The following BCKDHB variants were observed in gnomAD, a reference collection of about 807,000 sequenced individuals.
BCKDHB encodes the protein 2-oxoisovalerate dehydrogenase subunit beta, mitochondrial.
Under a neutral mutation model 48.5 loss-of-function variants are expected in BCKDHB, and 41 were observed. The ratio of observed to expected loss-of-function variants is 0.85; its 90% CI spans 0.66 to 1.10. BCKDHB has a LOEUF of 1.10. BCKDHB is among the 50% of genes least tolerant of loss of function. BCKDHB has a pLI of 0.00. For missense variants in BCKDHB, 496 were observed against 494.2 expected (o/e 1.00, Z -0.03); for synonymous variants, 201 against 174.8 (o/e 1.15, Z -1.18).
chr6:80,374,580 T>C, the BCKDHB span: 1 of 650,342 alleles, frequency 1.5e-6, no homozygotes, highest in Non-Finnish European at 2.8e-6. Context: ...TTTCACAGAT[T>C]ACCTCCGGCT....
the BCKDHB span, among the ~76,000 whole-genome samples, chr6:80,351,336 A>G: frequency 6.6e-6 from 1 of 152,216 alleles, no homozygotes; most frequent in Admixed American, 6.5e-5. Context: ...ATATATAGAC[A>G]AAGTAGAATA....
At chr6:80,193,666 G>C (rs1774004544) in intron 6 of BCKDHB, among the ~76,000 whole-genome samples, 1 of 150,952 alleles carries the variant, frequency 6.6e-6, no homozygotes, top group South Asian at 2.1e-4. Context: ...ATTGCAGTGA[G>C]CCGGGACTGT....
chr6:80,385,161 T>C, the BCKDHB span, among the ~76,000 whole-genome samples: 1 of 152,140 alleles, frequency 6.6e-6, no homozygotes. Context: ...GACGAAGTGA[T>C]GAAAGAAAGT....
rs550959384 is a variant in BCKDHB, at chr6:80,189,419, C to A, written c.743-11515C>A. Among the ~76,000 whole-genome samples the A allele has an allele frequency of 2.6e-5, 4 of 152,078 alleles. No individual in the cohort carries two copies. In the East Asian group the frequency reaches 7.7e-4, roughly 29 times the overall value. ...TTTTTTACTTATAAAGTATTAAGGGCAAATAAGAATTCTAATAATATAGAA... is the reference window on the plus strand; with the variant it reads ...TTTTTTACTTATAAAGTATTAAGGGAAAATAAGAATTCTAATAATATAGAA... On this transcript the variant is annotated intron_variant, in intron 6 of 9. Coordinates refer to ENST00000320393, the MANE Select transcript of BCKDHB (RefSeq NM_183050.4).
intron 2 of BCKDHB, among the ~76,000 whole-genome samples, chr6:80,128,607 G>A (rs1770463076): frequency 6.6e-6 from 1 of 152,082 alleles, no homozygotes; most frequent in Non-Finnish European, 1.5e-5. Flanking sequence ...AGCTTGGAAT[G>A]CTCTTCTGAT....
At chr6:80,276,041 T>C (rs966362824) in intron 9 of BCKDHB, among the ~76,000 whole-genome samples, 1 of 152,040 alleles carries the variant, frequency 6.6e-6, no homozygotes, top group East Asian at 1.9e-4. Flanking sequence ...AACTCTTTCA[T>C]TGTTATCTGG....
At position 80,169,323 on chromosome 6, in the gene BCKDHB, T is replaced by A. The variant is rs1772773741; in HGVS notation, c.633+293T>A. On this transcript the variant is annotated intron_variant, in intron 5 of 9. Transcript: ENST00000320393. Reference sequence around the variant, plus strand: ...AAGAACATAGTTGGTTTACCTCCCCTCTCTTTCAAAGCTTTATATTTCTTT... The same window carrying A: ...AAGAACATAGTTGGTTTACCTCCCCACTCTTTCAAAGCTTTATATTTCTTT... 2.0e-5 allele frequency among the ~76,000 whole-genome samples: 3 copies of A among 152,200 alleles called. 1 individual carries two copies. The South Asian group carries it at 6.2e-4, about 31-fold the overall frequency.
chr6:80,200,785 T>A, intron 6 of BCKDHB, 149 bp from the exon 7 acceptor site: 1 of 653,040 alleles, frequency 1.5e-6, no homozygotes. Context: ...AGCCATATCA[T>A]AAATGCTATT....
At chr6:80,264,957 A>G (rs1777453187) in intron 8 of BCKDHB, among the ~76,000 whole-genome samples, 1 of 152,086 alleles carries the variant, frequency 6.6e-6, no homozygotes, top group Non-Finnish European at 1.5e-5. Context: ...GCACCTGGAA[A>G]TTGCTTAACA....
At chr6:80,146,538 G>C (rs1398109617) in intron 3 of BCKDHB, among the ~76,000 whole-genome samples, 1 of 152,098 alleles carries the variant, frequency 6.6e-6, no homozygotes, top group Admixed American at 6.6e-5. Context: ...CCGCAGGGAT[G>C]GGGAGAATGG....
At chr6:80,411,285 G>T in the BCKDHB span, among the ~76,000 whole-genome samples, 1 of 152,198 alleles carries the variant, frequency 6.6e-6, no homozygotes, top group South Asian at 2.1e-4. Flanking sequence ...CTGCAGAACA[G>T]CAAGTATTGC....
rs1471997965 is a variant in BCKDHB at position 80,106,835 on chromosome 6, A to G, written c.142A>G (p.Arg48Gly). The change falls in exon 1 of 10, where the codon AGG becomes GGG. Residue 48 changes from arginine to glycine, a missense_variant. Arg to Gly is a moderately radical substitution (Grantham distance 125). Transcript: ENST00000320393. ...CGCGACTGTCGAGGATGCGGCCCAGAGGCGGCAGGTGGCTCATTTTACTTT... is the reference window on the plus strand; with the variant it reads ...CGCGACTGTCGAGGATGCGGCCCAGGGGCGGCAGGTGGCTCATTTTACTTT... ...PAATVEDAAQ[R>G]RQVAHFTFQP... The G allele has an allele frequency of 6.2e-7, 1 of 1,610,226 alleles. No individual in the cohort carries two copies. Among genetic ancestry groups the G allele is most frequent in the Non-Finnish European group, 8.5e-7 (1 of 1,178,908 alleles).
At chr6:80,270,317 T>TCTC (rs145910711) in intron 8 of BCKDHB, among the ~76,000 whole-genome samples, 2,329 of 152,224 alleles carry the variant, frequency 0.015, 50 homozygotes, top group East Asian at 0.052. Context: ...CAATGATTTT[T>TCTC]AAGAAGCAAA....
intron 5 of BCKDHB, 90 bp downstream of exon 5, chr6:80,169,120 G>A (rs907681038): frequency 4.5e-4 from 680 of 1,503,922 alleles, no homozygotes; most frequent in Non-Finnish European, 3.8e-4. Context: ...CTAGAGGAAA[G>A]AAAACAAACA....
At chr6:80,374,328 C>A in the BCKDHB span, 1 of 955,628 alleles carries the variant, frequency 1.0e-6, no homozygotes. Context: ...GGGCCACCAA[C>A]CTTGTGTCTA....
At chr6:80,311,991 G>A (rs1321751833) in intron 9 of BCKDHB, among the ~76,000 whole-genome samples, 1 of 152,180 alleles carries the variant, frequency 6.6e-6, no homozygotes, top group Non-Finnish European at 1.5e-5. Flanking sequence ...AATGGGAATA[G>A]CATTGAATCT....
intron 9 of BCKDHB, among the ~76,000 whole-genome samples, chr6:80,325,375 A>G (rs1164480710): frequency 6.6e-6 from 1 of 152,166 alleles, no homozygotes; most frequent in Non-Finnish European, 1.5e-5. Context: ...TTACTATTTT[A>G]TAGAAAAATG....
intron 3 of BCKDHB, among the ~76,000 whole-genome samples, chr6:80,131,919 G>T (rs1372584059): frequency 6.6e-6 from 1 of 152,166 alleles, no homozygotes; most frequent in Non-Finnish European, 1.5e-5. Flanking sequence ...GGGATTACAG[G>T]CATGAGCCAC....
At chr6:80,412,394 G>A in the BCKDHB span, among the ~76,000 whole-genome samples, 49 of 152,062 alleles carry the variant, frequency 3.2e-4, no homozygotes, top group Non-Finnish European at 5.9e-4. Flanking sequence ...TGATCCACCT[G>A]TCTCGGCCTC....
Sources: allele counts gnomAD v4.1 joint callset (sites outside exome capture counted in the v4.1 genomes callset), GRCh38; gene constraint gnomAD v4.1.1; transcripts MANE v1.5; gene names NCBI Gene and HGNC (gene_info 2026-07-23, HGNC 2026-07-21).